The following HOXC4 variants were observed in gnomAD, a reference collection of about 807,000 sequenced individuals.
The protein encoded by HOXC4 is homeobox C4, also known as homeobox protein Hox-C4.
In HOXC4, 15 loss-of-function variants were observed where a neutral mutation model predicts 25.5. The observed-to-expected ratio is 0.59, with a 90% CI of 0.39 to 0.91. HOXC4 has a LOEUF of 0.91. Ranked by LOEUF, HOXC4 falls within the 40% of genes least tolerant of loss-of-function variation. HOXC4 has a pLI of 0.00. For synonymous variants in HOXC4, 165 were observed against 148.0 expected (o/e 1.11, Z -0.83); for missense variants, 342 against 352.4 (o/e 0.97, Z 0.24).
chr12:54,026,187 C>A (rs540139208), intron 1 of HOXC4, among the ~76,000 whole-genome samples: 1 of 152,252 alleles, frequency 6.6e-6, no homozygotes, highest in South Asian at 2.1e-4. Context: ...ACCCTTAGGG[C>A]AGAAAGGAGG....
At chr12:54,035,867 G>A (rs1478665680) in intron 1 of HOXC4, among the ~76,000 whole-genome samples, 1 of 152,204 alleles carries the variant, frequency 6.6e-6, no homozygotes, top group Non-Finnish European at 1.5e-5. Flanking sequence ...TGGTAAGGGG[G>A]TGTTGGGAGA....
intron 1 of HOXC4, among the ~76,000 whole-genome samples, chr12:54,032,269 C>T (rs1941013105): frequency 6.6e-6 from 1 of 152,188 alleles, no homozygotes; most frequent in African/African-American, 2.4e-5. Flanking sequence ...CAGCCTGCAA[C>T]ACCCTCAGCT....
At chr12:54,017,730 G>C (rs1041909049) in intron 1 of HOXC4, among the ~76,000 whole-genome samples, 2 of 152,148 alleles carry the variant, frequency 1.3e-5, no homozygotes, top group Admixed American at 1.3e-4. Context: ...CACTGTGTCA[G>C]TACCTGCTTA....
intron 1 of HOXC4, among the ~76,000 whole-genome samples, chr12:54,027,886 AT>A (rs1208044596): frequency 2.6e-5 from 4 of 151,912 alleles, no homozygotes; most frequent in Non-Finnish European, 4.4e-5. Context: ...GTTTTATGAA[AT>A]TTCTTTCTAC....
intron 1 of HOXC4, among the ~76,000 whole-genome samples, chr12:54,047,456 C>T (rs996159509): frequency 6.6e-6 from 1 of 152,228 alleles, no homozygotes. Flanking sequence ...GCGAGGTGCG[C>T]GCCGGCCGCC....
At chr12:54,040,060 T>A (rs1221618426) in intron 1 of HOXC4, among the ~76,000 whole-genome samples, 1 of 152,198 alleles carries the variant, frequency 6.6e-6, no homozygotes, top group Non-Finnish European at 1.5e-5. Flanking sequence ...CTCAGTTTTT[T>A]ACTGTTTTCT....
chr12:54,049,747 T>C (rs955424695), upstream of HOXC4, among the ~76,000 whole-genome samples: 45 of 125,782 alleles, frequency 3.6e-4, no homozygotes, highest in South Asian at 5.6e-4. Context: ...GACAAACACA[T>C]ACACACACAC....
intron 1 of HOXC4, among the ~76,000 whole-genome samples, chr12:54,026,944 C>A (rs555339186): frequency 1.5e-4 from 20 of 136,584 alleles, no homozygotes; most frequent in South Asian, 9.0e-4. Context: ...TTTCCCCCCC[C>A]CCAACCCACC....
intron 1 of HOXC4, chr12:54,022,729 C>T (rs1310823554): frequency 1.3e-5 from 2 of 152,310 alleles, no homozygotes; most frequent in Middle Eastern, 3.4e-3. Flanking sequence ...GGAACCCACA[C>T]ACAAAACTCC....
upstream of HOXC4, among the ~76,000 whole-genome samples, chr12:54,050,930 A>C (rs1937829819): frequency 6.6e-6 from 1 of 152,200 alleles, no homozygotes; most frequent in African/African-American, 2.4e-5. Context: ...CCAAAGACAG[A>C]CTTGACATTC....
At chr12:54,029,036 T>C (rs1192120212) in intron 1 of HOXC4, 1 of 1,022,884 alleles carries the variant, frequency 9.8e-7, no homozygotes, top group East Asian at 2.5e-5. Context: ...ACAATCACGC[T>C]CGTCTCCTCA....
At chr12:54,035,462 TA>T (rs1054804798) in intron 1 of HOXC4, 1 of 152,336 alleles carries the variant, frequency 6.6e-6, no homozygotes, top group African/African-American at 2.4e-5. Context: ...GCCACCCCTT[TA>T]AAAAATTTTC....
At chr12:54,028,751 T>C (rs775380956) in intron 1 of HOXC4, 3 of 1,614,058 alleles carry the variant, frequency 1.9e-6, no homozygotes, top group South Asian at 2.2e-5. Context: ...TCTAATTCCT[T>C]TTACCAGGAG....
At chr12:54,053,780 A>G, upstream of HOXC4, 1 of 627,436 alleles carries the variant, frequency 1.6e-6, no homozygotes. Context: ...TCGGTTCCTT[A>G]TCCGGGGACT....
At chr12:54,024,908 A>G (rs1940623919) in intron 1 of HOXC4, among the ~76,000 whole-genome samples, 1 of 152,244 alleles carries the variant, frequency 6.6e-6, no homozygotes, top group Non-Finnish European at 1.5e-5. Flanking sequence ...TGCATTGGAG[A>G]GGACTGGAGA....
At chr12:54,025,529 G>GTT (rs1437426629) in intron 1 of HOXC4, among the ~76,000 whole-genome samples, 3 of 36,838 alleles carry the variant, frequency 8.1e-5, no homozygotes, top group African/African-American at 2.6e-4. Context: ...AAGGTAATTG[G>GTT]GGGGGGGGGA....
Position 54,038,870 on chromosome 12 carries a change from C to T in HOXC4, c.-123-14290C>T, listed in dbSNP as rs568430577. Among the ~76,000 whole-genome samples, 6 of 152,052 alleles carry T rather than the reference C, an allele frequency of 3.9e-5. No homozygotes were observed. In the South Asian group the frequency reaches 1.0e-3, roughly 26 times the overall value. On this transcript the variant is annotated intron_variant, in intron 1 of 3. Transcript: ENST00000303406. ...CAACCTTAAGGACAGAGTAGCCCCT[C>T]GGGGATGGAGCTAGCAGGGCCCAAT...
At chr12:54,018,195 C>T (rs2136413164) in intron 1 of HOXC4, among the ~76,000 whole-genome samples, 1 of 152,340 alleles carries the variant, frequency 6.6e-6, no homozygotes, top group South Asian at 2.1e-4. Context: ...CAAAAGCCAT[C>T]TTGTGCTCAG....
chr12:54,049,747 TACACACACAC>T (rs10590659), upstream of HOXC4, among the ~76,000 whole-genome samples: 10,351 of 125,796 alleles, frequency 0.082, 583 homozygotes, highest in East Asian at 0.17. Flanking sequence ...GACAAACACA[TACACACACAC>T]ACACACACAC....
Sources: allele counts gnomAD v4.1 joint callset (sites outside exome capture counted in the v4.1 genomes callset), GRCh38; gene constraint gnomAD v4.1.1; transcripts MANE v1.5; gene names NCBI Gene and HGNC (gene_info 2026-07-23, HGNC 2026-07-21).